The following ERC2 variants were observed in gnomAD, a reference collection of about 807,000 sequenced individuals.
ERC2 encodes the protein ERC protein 2.
A neutral mutation model predicts 114.8 loss-of-function variants in ERC2; 42 were observed. The observed-to-expected ratio is 0.37, with a 90% CI of 0.29 to 0.47. The LOEUF (loss-of-function observed/expected upper bound fraction) is 0.47, where lower values mean the gene tolerates loss of function less well. Among genes scored for constraint, ERC2 ranks in the 20% least tolerant of loss-of-function variants. The pLI, the probability that ERC2 is intolerant of heterozygous loss-of-function variation, is 0.99. For synonymous variants in ERC2, 454 were observed against 425.5 expected (o/e 1.07, Z -0.82); for missense variants, 939 against 1,150.7 (o/e 0.82, Z 2.66).
intron 2 of ERC2, among the ~76,000 whole-genome samples, chr3:56,384,587 T>A (rs2059867644): frequency 6.6e-6 from 1 of 152,170 alleles, no homozygotes; most frequent in Admixed American, 6.6e-5. Flanking sequence ...AGAAGTTCTT[T>A]AATTATTCTA....
chr3:56,011,778 T>A (rs1038689516), intron 8 of ERC2, among the ~76,000 whole-genome samples: 5 of 152,196 alleles, frequency 3.3e-5, no homozygotes, highest in African/African-American at 9.7e-5. Flanking sequence ...AGGATCCTGA[T>A]ACTATCTTTT....
rs1349669906 is a variant in ERC2 at position 56,468,261 on chromosome 3, G to T, written c.-154C>A. 6.6e-6 allele frequency: 1 copy of T among 151,872 alleles called. No individual in the cohort carries two copies. The highest frequency in any genetic ancestry group is 6.5e-5 in the Admixed American group (1 of 15,272). The allele number at this position is 151,872 out of a possible 1,614,324, so 9.4% of individuals were successfully genotyped here. On this transcript the variant is annotated 5_prime_UTR_variant, in exon 1 of 18. Transcript: ENST00000288221. The stretch of plus-strand genomic sequence containing the variant: ...TCGGCGTCTCACCTTTCCGATGCTC[G>T]CCCCGGGGCCGTCCCACATGGATTT...
chr3:55,985,338 G>A (rs556649023), intron 12 of ERC2, among the ~76,000 whole-genome samples: 34 of 152,250 alleles, frequency 2.2e-4, no homozygotes, highest in Non-Finnish European at 4.7e-4. Context: ...TCTTACACTT[G>A]GTTCCATATG....
At chr3:56,182,461 G>T (rs1369093862) in intron 3 of ERC2, among the ~76,000 whole-genome samples, 2 of 152,192 alleles carry the variant, frequency 1.3e-5, no homozygotes, top group African/African-American at 4.8e-5. Context: ...TGCTGTGAAG[G>T]ATGATAATAA....
At chr3:55,652,717 TA>T (rs888550748) in intron 17 of ERC2, among the ~76,000 whole-genome samples, 4 of 151,538 alleles carry the variant, frequency 2.6e-5, no homozygotes, top group Non-Finnish European at 2.9e-5. Context: ...CTTAAAAATA[TA>T]AAAAAAGTAG....
At chr3:56,062,129 T>A (rs1248599168) in intron 7 of ERC2, among the ~76,000 whole-genome samples, 1 of 152,226 alleles carries the variant, frequency 6.6e-6, no homozygotes, top group African/African-American at 2.4e-5. Context: ...AAAGCCTAAT[T>A]TGATTTTTAA....
chr3:56,215,007 A>G (rs1462375701), intron 3 of ERC2, among the ~76,000 whole-genome samples: 2 of 152,224 alleles, frequency 1.3e-5, no homozygotes, highest in African/African-American at 4.8e-5. Flanking sequence ...AAACATGGAA[A>G]GGAACAACCG....
intron 7 of ERC2, among the ~76,000 whole-genome samples, chr3:56,079,179 T>C (rs1210185904): frequency 3.9e-5 from 6 of 152,170 alleles, no homozygotes. Context: ...GTGAAATTCA[T>C]TTTCATTTAC....
chr3:55,757,121 A>AAGAACAC (rs2067113161), intron 14 of ERC2, among the ~76,000 whole-genome samples: 2 of 152,180 alleles, frequency 1.3e-5, no homozygotes, highest in African/African-American at 4.8e-5. Flanking sequence ...GTATTCAGAA[A>AAGAACAC]AGAACACAGA....
At chr3:56,044,200 T>C (rs189901154) in intron 7 of ERC2, among the ~76,000 whole-genome samples, 2 of 152,294 alleles carry the variant, frequency 1.3e-5, no homozygotes, top group African/African-American at 4.8e-5. Flanking sequence ...CAAGACTCTG[T>C]CTGAAAGAAT....
intron 2 of ERC2, among the ~76,000 whole-genome samples, chr3:56,315,176 A>G (rs2056804656): frequency 6.6e-6 from 1 of 152,220 alleles, no homozygotes; most frequent in African/African-American, 2.4e-5. Flanking sequence ...ATGACTTACT[A>G]AAGAACACCT....
At chr3:56,227,287 G>A (rs1169474430) in intron 3 of ERC2, among the ~76,000 whole-genome samples, 1 of 152,082 alleles carries the variant, frequency 6.6e-6, no homozygotes, top group African/African-American at 2.4e-5. Flanking sequence ...ACTATAATGT[G>A]GAAGTTGCAT....
chr3:56,179,528 A>T (rs1035974792), intron 3 of ERC2, among the ~76,000 whole-genome samples: 1 of 152,072 alleles, frequency 6.6e-6, no homozygotes, highest in Admixed American at 6.5e-5. Context: ...AACTGGAATA[A>T]CTCTTGCAAG....
chr3:55,780,439 T>C lies in ERC2; in HGVS notation c.2565-45521A>G, dbSNP rs556928293. On this transcript the variant is annotated intron_variant, in intron 14 of 17. Transcript: ENST00000288221. ...AAAAGACAATGGAAAAAGTTTCCATTCATAATAGCTAATAGGTGTACCAAA... is the reference window on the plus strand; with the variant it reads ...AAAAGACAATGGAAAAAGTTTCCATCCATAATAGCTAATAGGTGTACCAAA... Among the ~76,000 whole-genome samples, 251 of 152,294 alleles carry C rather than the reference T, an allele frequency of 1.6e-3. No homozygotes were observed. The South Asian group carries it at 0.017, about 10-fold the overall frequency.
chr3:55,601,536 G>C (rs2058404708), intron 17 of ERC2, among the ~76,000 whole-genome samples: 1 of 152,202 alleles, frequency 6.6e-6, no homozygotes, highest in Non-Finnish European at 1.5e-5. Flanking sequence ...CCAGCGAGCT[G>C]TCCTTCGGCA....
chr3:56,150,287 T>G (rs1246862676), intron 4 of ERC2, among the ~76,000 whole-genome samples: 1 of 152,200 alleles, frequency 6.6e-6, no homozygotes, highest in African/African-American at 2.4e-5. Flanking sequence ...AATGTGTCTG[T>G]CCTGATTTTG....
At chr3:56,042,420 C>T (rs1226001205) in intron 7 of ERC2, among the ~76,000 whole-genome samples, 1 of 152,188 alleles carries the variant, frequency 6.6e-6, no homozygotes, top group Non-Finnish European at 1.5e-5. Context: ...AGGAGGTTCT[C>T]AGTAAATATT....
At chr3:55,613,613 T>G (rs536113283) in intron 17 of ERC2, among the ~76,000 whole-genome samples, 21 of 152,268 alleles carry the variant, frequency 1.4e-4, no homozygotes, top group Non-Finnish European at 2.6e-4. Context: ...TCTTATGCCT[T>G]GCTTTTCTCT....
At chr3:55,654,145 A>C (rs1309005648) in intron 17 of ERC2, among the ~76,000 whole-genome samples, 1 of 152,232 alleles carries the variant, frequency 6.6e-6, no homozygotes, top group South Asian at 2.1e-4. Flanking sequence ...AGAAACACAC[A>C]GGTCTCAGCT....
Sources: allele counts gnomAD v4.1 joint callset (sites outside exome capture counted in the v4.1 genomes callset), GRCh38; gene constraint gnomAD v4.1.1; transcripts MANE v1.5; gene names NCBI Gene and HGNC (gene_info 2026-07-23, HGNC 2026-07-21).